Variants in VWC2 observed in about 807,000 individuals in gnomAD.
The protein encoded by VWC2 is brorin.
VWC2 carries 14 observed loss-of-function variants against 29.8 expected under a neutral mutation model. That is an observed-to-expected ratio of 0.47 (90% confidence interval 0.31 to 0.74). The LOEUF (loss-of-function observed/expected upper bound fraction) is 0.74, where lower values mean the gene tolerates loss of function less well. VWC2 is among the 30% of genes least tolerant of loss of function. VWC2 has a pLI of 0.05. For synonymous variants in VWC2, 213 were observed against 199.0 expected (o/e 1.07, Z -0.59); for missense variants, 457 against 459.8 (o/e 0.99, Z 0.05).
Position 49,775,975 on chromosome 7 carries a change from C to T in VWC2, c.540C>T (p.Cys180=). The T allele has an allele frequency of 6.5e-7, 1 of 1,548,464 alleles. No homozygotes were observed. The highest frequency in any genetic ancestry group is 8.7e-7 in the Non-Finnish European group (1 of 1,150,094). ...GCCCCTCGGCCTGCCCGTGCCTGTGCACCGAGGAGGGGCCGCTGTGCGCGC... is the reference window on the plus strand; with the variant it reads ...GCCCCTCGGCCTGCCCGTGCCTGTGTACCGAGGAGGGGCCGCTGTGCGCGC... ...APGPSACPCL[C]TEEGPLCAQP... is the part of the protein sequence containing the mutation. Residue 180 remains cysteine, a synonymous_variant, in exon 2 of 4, where the codon TGC becomes TGT. Transcript: ENST00000340652.
intron 2 of VWC2, among the ~76,000 whole-genome samples, chr7:49,786,145 CT>C: frequency 6.6e-6 from 1 of 152,198 alleles, no homozygotes; most frequent in Non-Finnish European, 1.5e-5. Flanking sequence ...TCCCTCGCCC[CT>C]CTCATAGTCT....
chr7:49,815,831 A>C (rs1789129362), intron 3 of VWC2, among the ~76,000 whole-genome samples: 1 of 152,252 alleles, frequency 6.6e-6, no homozygotes, highest in South Asian at 2.1e-4. Context: ...TGAATTTCAA[A>C]GTCCTTCATT....
At chr7:49,888,199 A>C (rs774414172) in intron 3 of VWC2, among the ~76,000 whole-genome samples, 9 of 152,208 alleles carry the variant, frequency 5.9e-5, no homozygotes, top group Non-Finnish European at 1.2e-4. Flanking sequence ...TCTGACAGCC[A>C]GTTAAATACT....
At chr7:49,890,209 T>G (rs546971782) in intron 3 of VWC2, among the ~76,000 whole-genome samples, 3 of 152,320 alleles carry the variant, frequency 2.0e-5, no homozygotes, top group African/African-American at 7.2e-5. Flanking sequence ...GACAAGGTGA[T>G]GTACTATCCT....
intron 3 of VWC2, among the ~76,000 whole-genome samples, chr7:49,899,096 A>G (rs1422006731): frequency 6.6e-6 from 1 of 152,100 alleles, no homozygotes; most frequent in Admixed American, 6.6e-5. Context: ...GTTGTCTGCA[A>G]GAAATCAGAC....
At chr7:49,776,319 T>C (rs1788053667) in intron 2 of VWC2, among the ~76,000 whole-genome samples, 188 bp downstream of exon 2, 1 of 152,242 alleles carries the variant, frequency 6.6e-6, no homozygotes. Flanking sequence ...CAGAGCACTG[T>C]GGCCAATCCA....
chr7:49,830,075 T>C (rs1304555884), intron 3 of VWC2, among the ~76,000 whole-genome samples: 1 of 152,238 alleles, frequency 6.6e-6, no homozygotes, highest in Non-Finnish European at 1.5e-5. Flanking sequence ...TTTTTCTTCC[T>C]TCAAAAGAAA....
chr7:49,817,988 T>C (rs1554331809), intron 3 of VWC2, among the ~76,000 whole-genome samples: 1 of 152,226 alleles, frequency 6.6e-6, no homozygotes, highest in Non-Finnish European at 1.5e-5. Context: ...TGGTTACAAA[T>C]AGCAGTTATT....
intron 2 of VWC2, among the ~76,000 whole-genome samples, chr7:49,799,211 A>G (rs1042072190): frequency 6.6e-6 from 1 of 152,228 alleles, no homozygotes; most frequent in Non-Finnish European, 1.5e-5. Context: ...TGGTGAGGCA[A>G]GAAGGTTTTA....
Position 49,775,402 on chromosome 7 carries a change from C to A in VWC2, c.-34C>A. 1.3e-6 allele frequency: 1 copy of A among 743,260 alleles called. No individual in the cohort carries two copies. Among genetic ancestry groups the A allele is most frequent in the South Asian group, 2.6e-5 (1 of 38,022 alleles). The allele number at this position is 743,260 out of a possible 1,614,324, so 46.0% of individuals were successfully genotyped here. On this transcript the variant is annotated 5_prime_UTR_variant, in exon 2 of 4. Transcript: ENST00000340652. ...ATGCGACTCGCCCCTCGGCCGCGCT[C>A]CCCGCCCGCCCGCCCGCCGGGACGT...
chr7:49,871,401 A>G (rs1488938629), intron 3 of VWC2, among the ~76,000 whole-genome samples: 1 of 152,204 alleles, frequency 6.6e-6, no homozygotes, highest in African/African-American at 2.4e-5. Flanking sequence ...ATATGAAATT[A>G]TGGTGAAAAC....
At chr7:49,834,096 C>T (rs375623412) in intron 3 of VWC2, among the ~76,000 whole-genome samples, 6 of 152,254 alleles carry the variant, frequency 3.9e-5, no homozygotes, top group African/African-American at 1.4e-4. Context: ...GATAATGATT[C>T]TACTGGTTTC....
chr7:49,811,214 CA>C (rs1394082013), intron 3 of VWC2, among the ~76,000 whole-genome samples: 1 of 152,132 alleles, frequency 6.6e-6, no homozygotes, highest in Non-Finnish European at 1.5e-5. Context: ...GACAGTTCAG[CA>C]AAAGAGACAA....
At chr7:49,825,902 T>C (rs111326011) in intron 3 of VWC2, among the ~76,000 whole-genome samples, 2,206 of 152,328 alleles carry the variant, frequency 0.014, 33 homozygotes, top group African/African-American at 0.036. Context: ...AGGCAGTTTG[T>C]ACTGATTTGG....
chr7:49,907,476 T>C (rs1294628670), intron 3 of VWC2, among the ~76,000 whole-genome samples: 2 of 152,172 alleles, frequency 1.3e-5, no homozygotes, highest in Non-Finnish European at 2.9e-5. Flanking sequence ...TAGGAGAGTA[T>C]ATTAAGGATT....
In VWC2 at chr7:49,824,012, A is replaced by G. The variant is rs554479748; in HGVS notation, c.826+21172A>G. Among the ~76,000 whole-genome samples the G allele has an allele frequency of 2.4e-4, 35 of 148,414 alleles. No homozygotes were observed. In the Middle Eastern group the frequency reaches 0.01, roughly 43 times the overall value. On this transcript the variant is annotated intron_variant, in intron 3 of 3. Coordinates refer to ENST00000340652, the MANE Select transcript of VWC2 (RefSeq NM_198570.5). ...TTGAAAAAGTTAATACAAATCCTTC[A>G]TCTAGTATATGTGTATATGGCATTT...
At chr7:49,877,462 CAAAAAAAA>C (rs1169480763) in intron 3 of VWC2, among the ~76,000 whole-genome samples, 2 of 7,056 alleles carry the variant, frequency 2.8e-4, no homozygotes, top group Non-Finnish European at 4.9e-4. Flanking sequence ...AACTCTGTCT[CAAAAAAAA>C]AAAAAAAAAA....
chr7:49,880,530 TTTTTCATCAATTTTTATAAATTGTGA>T (rs1333011073), intron 3 of VWC2, among the ~76,000 whole-genome samples: 1 of 151,732 alleles, frequency 6.6e-6, no homozygotes, highest in Non-Finnish European at 1.5e-5. Flanking sequence ...GATTTTTATA[TTTTTCATCAATTTTTATAAATTGTGA>T]TTTTTTATCA....
chr7:49,855,285 GT>G (rs1337376120), intron 3 of VWC2, among the ~76,000 whole-genome samples: 1 of 152,180 alleles, frequency 6.6e-6, no homozygotes, highest in Non-Finnish European at 1.5e-5. Flanking sequence ...TATGGACGGT[GT>G]AGTCTCTTTC....
Sources: allele counts gnomAD v4.1 joint callset (sites outside exome capture counted in the v4.1 genomes callset), GRCh38; gene constraint gnomAD v4.1.1; transcripts MANE v1.5; gene names NCBI Gene and HGNC (gene_info 2026-07-23, HGNC 2026-07-21).